MCL1: variants seen among roughly 807,000 people sequenced by gnomAD.
MCL1 encodes the protein MCL1 apoptosis regulator, BCL2 family member, also known as induced myeloid leukemia cell differentiation protein Mcl-1.
A neutral mutation model predicts 24.2 loss-of-function variants in MCL1; 4 were observed. That is an observed-to-expected ratio of 0.17 (90% confidence interval 0.08 to 0.38). The LOEUF (loss-of-function observed/expected upper bound fraction) is 0.38, where lower values mean the gene tolerates loss of function less well. MCL1 is among the 10% of genes least tolerant of loss of function. MCL1 has a pLI of 1.00. For synonymous variants in MCL1, 248 were observed against 214.0 expected (o/e 1.16, Z -1.39); for missense variants, 529 against 480.3 (o/e 1.10, Z -0.95).
Position 150,579,456 on chromosome 1 carries a change from G to T in MCL1, c.75C>A (p.Ser25Arg). The change falls in exon 1 of 3, where the codon AGC becomes AGA. Residue 25 changes from serine to arginine, a missense_variant. Ser to Arg is a moderately radical substitution (Grantham distance 110). Coordinates refer to ENST00000369026, the MANE Select transcript of MCL1 (RefSeq NM_021960.5). ...GCCCTCCCGGGCGGGTGGCGCCGCC[G>T]CTGCCGGCCCCCAAGCCGGCCCCCC... ...YCGGAGLGAG[S>R]GGATRPGGRL... 1 of 1,591,808 alleles carries T rather than the reference G, an allele frequency of 6.3e-7. No individual in the cohort carries two copies. Among genetic ancestry groups the T allele is most frequent in the Non-Finnish European group, 8.5e-7 (1 of 1,171,206 alleles).
rs1647790004 is a variant in MCL1, at chr1:150,576,152, C to G, written c.*1223G>C. 1 of 233,262 alleles carries G rather than the reference C, an allele frequency of 4.3e-6. No individual in the cohort carries two copies. 14.4% of individuals were successfully genotyped at this position (233,262 alleles called of 1,614,324 possible). Reference sequence around the variant, plus strand: ...CTGATGTGATCTTTTTATATGCACACAGCTAATGAGTTCCATTCAGCTGAA... The same window carrying G: ...CTGATGTGATCTTTTTATATGCACAGAGCTAATGAGTTCCATTCAGCTGAA... On this transcript the variant is annotated 3_prime_UTR_variant, in exon 3 of 3. Transcript: ENST00000369026.
rs1399163887 is a variant in MCL1 at position 150,579,550 on chromosome 1, C to G, written c.-20G>C. 6.3e-7 allele frequency: 1 copy of G among 1,587,882 alleles called. No homozygotes were observed. Among genetic ancestry groups the G allele is most frequent in the South Asian group, 1.1e-5 (1 of 89,008 alleles). On this transcript the variant is annotated 5_prime_UTR_variant, in exon 1 of 3. Coordinates refer to ENST00000369026, the MANE Select transcript of MCL1 (RefSeq NM_021960.5). ...AAACATTGCCAGTCGCCGCCGCCGC[C>G]TGGCTGAGAAAACTGGGGAAGACCC...
chr1:150,575,505 A>C lies in MCL1; in HGVS notation c.*1870T>G, dbSNP rs771982125. ...AGGAAACTTTAGAGAAAGCCTCATA[A>C]AATGTTCTTTCCTCTGAAAATTCCT... On this transcript the variant is annotated 3_prime_UTR_variant, in exon 3 of 3. Transcript: ENST00000369026. 8.6e-6 allele frequency: 2 copies of C among 232,954 alleles called. No individual in the cohort carries two copies. Among genetic ancestry groups the C allele is most frequent in the Non-Finnish European group, 1.7e-5 (2 of 117,922 alleles). The allele number at this position is 232,954 out of a possible 1,614,324, so 14.4% of individuals were successfully genotyped here.
chr1:150,574,986 T>C lies in MCL1; in HGVS notation c.*2389A>G, dbSNP rs1241666710. 3.4e-5 allele frequency: 8 copies of C among 233,070 alleles called. No homozygotes were observed. The highest frequency in any genetic ancestry group is 5.9e-5 in the Non-Finnish European group (7 of 117,984). 14.4% of individuals were successfully genotyped at this position (233,070 alleles called of 1,614,324 possible). ...ACTGCCCCAAGCCCAAAATATCAAC[T>C]AAGATCCTTGTCTGTATTTCCACAG... On this transcript the variant is annotated 3_prime_UTR_variant, in exon 3 of 3. Coordinates refer to ENST00000369026, the MANE Select transcript of MCL1 (RefSeq NM_021960.5).
In MCL1 at chr1:150,579,237, G is replaced by A; in HGVS notation, c.294C>T (p.Phe98=). The change falls in exon 1 of 3, where the codon TTC becomes TTT. Residue 98 remains phenylalanine (F), a synonymous_variant. Coordinates refer to ENST00000369026, the MANE Select transcript of MCL1 (RefSeq NM_021960.5). ...DVTATPARLL[F]FAPTRRAAPL... ...GCGCCGCGCGGCGGGTGGGCGCGAAGAAAAGCAGCCTCGCGGGGGTCGCGG... is the reference window on the plus strand; with the variant it reads ...GCGCCGCGCGGCGGGTGGGCGCGAAAAAAAGCAGCCTCGCGGGGGTCGCGG... 7.7e-6 allele frequency: 12 copies of A among 1,550,364 alleles called. No individual in the cohort carries two copies. The East Asian group carries it at 9.1e-5, about 12-fold the overall frequency.
intron 2 of MCL1, 126 bp downstream of exon 2, chr1:150,578,118 G>C (rs1046903470): frequency 1.4e-5 from 14 of 1,001,594 alleles, no homozygotes; most frequent in Non-Finnish European, 1.9e-5. Flanking sequence ...ATAAACAATG[G>C]TCCTTTAGTT....
chr1:150,577,800 A>G (rs1647876436), intron 2 of MCL1, among the ~76,000 whole-genome samples: 1 of 152,138 alleles, frequency 6.6e-6, no homozygotes, highest in African/African-American at 2.4e-5. Flanking sequence ...TCCACCACCT[A>G]ATATTTCAGT....
rs1570981848 is a variant in MCL1 at position 150,578,262 on chromosome 1, T to C, written c.918A>G (p.Leu306=). 2 of 1,613,950 alleles carry C rather than the reference T, an allele frequency of 1.2e-6. No individual in the cohort carries two copies. The highest frequency in any genetic ancestry group is 1.7e-6 in the Non-Finnish European group (2 of 1,179,948). ...AACTTACCCAGCCTCTTTGTTTAAC[T>C]AGCCAGTCCCGTTTTGTCCTTACGA... ...DVLVRTKRDW[L]VKQRGWDGFV... is the part of the protein sequence containing the mutation. The change falls in exon 2 of 3, where the codon CTA becomes CTG. Residue 306 remains leucine (L), a synonymous_variant. Transcript: ENST00000369026.
chr1:150,576,941 T>G lies in MCL1; in HGVS notation c.*434A>C, dbSNP rs587734066. ...AGGCTTACAGTCATAGTTCTATTAC[T>G]TGTAACTTTTACACAGGTCACTGGC... On this transcript the variant is annotated 3_prime_UTR_variant, in exon 3 of 3. Coordinates refer to ENST00000369026, the MANE Select transcript of MCL1 (RefSeq NM_021960.5). 1.6e-5 allele frequency: 4 copies of G among 254,338 alleles called. No homozygotes were observed. In the South Asian group the frequency reaches 4.2e-4, roughly 27 times the overall value. The allele number at this position is 254,338 out of a possible 1,614,324, so 15.8% of individuals were successfully genotyped here.
At position 150,579,183 on chromosome 1, in the gene MCL1, A is replaced by G. The variant is rs587684336; in HGVS notation, c.348T>C (p.Ala116=). 2.5e-6 allele frequency: 4 copies of G among 1,605,622 alleles called. No individual in the cohort carries two copies. The highest frequency in any genetic ancestry group is 1.7e-5 in the Admixed American group (1 of 59,616). ...CCTCTTCGGGCGACATGATGGCGTCAGCGGCCGGGGCTTCCATCTCCTCAA... is the reference window on the plus strand; with the variant it reads ...CCTCTTCGGGCGACATGATGGCGTCGGCGGCCGGGGCTTCCATCTCCTCAA... ...APLEEMEAPA[A]DAIMSPEEEL... The change falls in exon 1 of 3, where the codon GCT becomes GCC. Residue 116 remains alanine, a synonymous_variant. Transcript: ENST00000369026.
rs753788039 is a variant in MCL1, at chr1:150,578,333, G to C, written c.847C>G (p.Gln283Glu). 1.9e-6 allele frequency: 3 copies of C among 1,614,158 alleles called. No individual in the cohort carries two copies. In the Admixed American group the frequency reaches 5.0e-5, roughly 27 times the overall value. The change falls in exon 2 of 3, where the codon CAA (glutamine) becomes GAA (glutamate). Residue 283 changes from glutamine (Q) to glutamate (E), a missense_variant. Coordinates refer to ENST00000369026, the MANE Select transcript of MCL1 (RefSeq NM_021960.5). ...FVAKHLKTIN[Q>E]ESCIEPLAES... ...GCTAATGGTTCGATGCAGCTTTCTT[G>C]GTTTATGGTCTTCAAGTGTTTAGCC...
At chr1:150,578,726 G>T in intron 1 of MCL1, 117 bp downstream of exon 1, 1 of 1,175,490 alleles carries the variant, frequency 8.5e-7, no homozygotes, top group South Asian at 1.5e-5. Context: ...TTCAGGAATA[G>T]GATGAGACAC....
intron 1 of MCL1, 101 bp downstream of exon 1, chr1:150,578,742 A>C: frequency 7.7e-7 from 1 of 1,295,350 alleles, no homozygotes. Context: ...GACACGTTTC[A>C]ACACTGACTC....
chr1:150,578,516 C>G (rs1361174230), intron 1 of MCL1, 25 bp from the exon 2 acceptor site: 1 of 1,612,296 alleles, frequency 6.2e-7, no homozygotes, highest in African/African-American at 1.3e-5. Flanking sequence ...CATGCAGGTC[C>G]TCACGGCCTC....
chr1:150,577,530 G>A (rs1171072459), intron 2 of MCL1, 39 bp from the exon 3 acceptor site: 6 of 1,446,012 alleles, frequency 4.1e-6, no homozygotes, highest in African/African-American at 2.9e-5. Context: ...TCAAGTATGG[G>A]TTTCTGCTCT....
At position 150,579,178 on chromosome 1, in the gene MCL1, G is replaced by T; in HGVS notation, c.353C>A (p.Ala118Asp). 2 of 1,606,712 alleles carry T rather than the reference G, an allele frequency of 1.2e-6. No individual in the cohort carries two copies. Among genetic ancestry groups the T allele is most frequent in the Non-Finnish European group, 1.7e-6 (2 of 1,178,210 alleles). Residue 118 changes from alanine to aspartate, a missense_variant, in exon 1 of 3, where the codon GCC (alanine) becomes GAC (aspartate). By Grantham distance (126) the Ala-to-Asp change is moderately radical. Transcript: ENST00000369026. ...CAGCTCCTCTTCGGGCGACATGATGGCGTCAGCGGCCGGGGCTTCCATCTC... is the reference window on the plus strand; with the variant it reads ...CAGCTCCTCTTCGGGCGACATGATGTCGTCAGCGGCCGGGGCTTCCATCTC... Reference protein sequence around the residue: ...LEEMEAPAADAIMSPEEELDG... With the variant: ...LEEMEAPAADDIMSPEEELDG...
At position 150,579,564 on chromosome 1, in the gene MCL1, T is replaced by C. The variant is rs751737846; in HGVS notation, c.-34A>G. The C allele has an allele frequency of 3.7e-5, 59 of 1,575,182 alleles. No individual in the cohort carries two copies. The highest frequency in any genetic ancestry group is 9.8e-5 in the African/African-American group (7 of 71,708). The stretch of plus-strand genomic sequence containing the variant: ...GCCGCCGCCGCCTGGCTGAGAAAAC[T>C]GGGGAAGACCCCGACTCCTTACTGG... On this transcript the variant is annotated 5_prime_UTR_variant, in exon 1 of 3. Transcript: ENST00000369026.
chr1:150,578,346 C>G lies in MCL1; in HGVS notation c.834G>C (p.Leu278Phe), dbSNP rs1193247274. ...TGCAGCTTTCTTGGTTTATGGTCTT[C>G]AAGTGTTTAGCCACAAAGGCACCAA... ...ISFGAFVAKH[L>F]KTINQESCIE... The change falls in exon 2 of 3, where the codon TTG (leucine) becomes TTC (phenylalanine). Residue 278 changes from leucine (L) to phenylalanine (F), a missense_variant. Coordinates refer to ENST00000369026, the MANE Select transcript of MCL1 (RefSeq NM_021960.5). 1.2e-6 allele frequency: 2 copies of G among 1,614,212 alleles called. No homozygotes were observed. Among genetic ancestry groups the G allele is most frequent in the Non-Finnish European group, 1.7e-6 (2 of 1,180,038 alleles).
chr1:150,574,861 C>T lies in MCL1; in HGVS notation c.*2514G>A, dbSNP rs759377888. 3.4e-4 allele frequency: 80 copies of T among 233,258 alleles called. No homozygotes were observed. The highest frequency in any genetic ancestry group is 4.6e-4 in the Non-Finnish European group (54 of 118,008). 14.4% of individuals were successfully genotyped at this position (233,258 alleles called of 1,614,324 possible). Reference sequence around the variant, plus strand: ...CCTTTTGGAGGATTTGCCCGAACTACGTAGCCAGTCAGCACTTAGACCACC... The same window carrying T: ...CCTTTTGGAGGATTTGCCCGAACTATGTAGCCAGTCAGCACTTAGACCACC... On this transcript the variant is annotated 3_prime_UTR_variant, in exon 3 of 3. Coordinates refer to ENST00000369026, the MANE Select transcript of MCL1 (RefSeq NM_021960.5).
Sources: gnomAD v4.1 joint callset for allele counts (sites outside exome capture counted in the v4.1 genomes callset) on GRCh38, gnomAD v4.1.1 for gene constraint, MANE v1.5 for transcripts, NCBI Gene and HGNC (gene_info 2026-07-23, HGNC 2026-07-21) for gene names.